The following ERCC8 variants were observed in gnomAD, a reference collection of about 807,000 sequenced individuals.
ERCC8 encodes the protein ERCC excision repair 8, CSA ubiquitin ligase complex subunit, also known as DNA excision repair protein ERCC-8.
In ERCC8, 52 loss-of-function variants were observed where a neutral mutation model predicts 54.9. That is an observed-to-expected ratio of 0.95 (90% confidence interval 0.76 to 1.19). The LOEUF is 1.19. Among genes scored for constraint, ERCC8 ranks in the 50% most tolerant of loss-of-function variants. ERCC8 has a pLI of 0.00. For synonymous variants in ERCC8, 146 were observed against 157.2 expected (o/e 0.93, Z 0.53); for missense variants, 514 against 466.1 (o/e 1.10, Z -0.95).
At chr5:60,881,240 A>G (rs1748210265) in intron 11 of ERCC8, among the ~76,000 whole-genome samples, 1 of 152,144 alleles carries the variant, frequency 6.6e-6, no homozygotes, top group East Asian at 1.9e-4. Context: ...TCAGAGGTGC[A>G]CCTGGCTCTG....
In ERCC8 at chr5:60,910,626, T is replaced by C. The variant is rs551393389; in HGVS notation, c.400-5753A>G. 5.9e-4 allele frequency among the ~76,000 whole-genome samples: 90 copies of C among 152,326 alleles called. 2 individuals are homozygous for C. The highest frequency in any genetic ancestry group is 2.1e-3 in the African/African-American group (88 of 41,584). On this transcript the variant is annotated intron_variant, in intron 4 of 11. Transcript: ENST00000676185. ...TTCATTAAATATATTACTAGGTATA[T>C]GATGATTTTTGATGCTATGGTAAAC...
chr5:60,908,809 T>C (rs1749158608), intron 4 of ERCC8, among the ~76,000 whole-genome samples: 1 of 152,008 alleles, frequency 6.6e-6, no homozygotes, highest in South Asian at 2.1e-4. Flanking sequence ...AGAACCATTA[T>C]GAAAAAAGAA....
At chr5:60,943,418 G>A (rs1021375317) in intron 1 of ERCC8, among the ~76,000 whole-genome samples, 1 of 152,138 alleles carries the variant, frequency 6.6e-6, no homozygotes, top group Non-Finnish European at 1.5e-5. Flanking sequence ...TAGCTTTTCA[G>A]TTCACAAATC....
intron 4 of ERCC8, among the ~76,000 whole-genome samples, chr5:60,913,413 G>A (rs574811292): frequency 6.6e-6 from 1 of 152,188 alleles, no homozygotes; most frequent in East Asian, 1.9e-4. Flanking sequence ...ATGGTAGTTT[G>A]TATTTCTGTG....
intron 11 of ERCC8, among the ~76,000 whole-genome samples, chr5:60,886,976 GA>G (rs1194544931): frequency 6.6e-6 from 1 of 151,930 alleles, no homozygotes; most frequent in Non-Finnish European, 1.5e-5. Flanking sequence ...TTAATGACAT[GA>G]AAAAAGGCTT....
intron 11 of ERCC8, 38 bp from the exon 12 acceptor site, chr5:60,874,721 T>C (rs750720768): frequency 2.0e-6 from 3 of 1,523,648 alleles, no homozygotes; most frequent in East Asian, 4.5e-5. Context: ...GAAGATTCTG[T>C]TTTTTCTACT....
At chr5:60,893,729 C>T (rs1748639477) in intron 9 of ERCC8, 2 of 418,294 alleles carry the variant, frequency 4.8e-6, no homozygotes, top group Admixed American at 3.9e-5. Flanking sequence ...CGCCCGACTC[C>T]GCCCACTGGG....
At chr5:60,941,212 G>A (rs1201643178) in intron 1 of ERCC8, among the ~76,000 whole-genome samples, 1 of 152,086 alleles carries the variant, frequency 6.6e-6, no homozygotes, top group Admixed American at 6.5e-5. Context: ...TGTTAAAACA[G>A]AAAGTCTCAG....
At chr5:60,910,557 A>G (rs1749227062) in intron 4 of ERCC8, among the ~76,000 whole-genome samples, 1 of 152,132 alleles carries the variant, frequency 6.6e-6, no homozygotes, top group Non-Finnish European at 1.5e-5. Flanking sequence ...TCTCTCAATA[A>G]TGTTCTAAAG....
At position 60,922,940 on chromosome 5, in the gene ERCC8, A is replaced by C. The variant is rs561924860; in HGVS notation, c.174-785T>G. 7.2e-5 allele frequency among the ~76,000 whole-genome samples: 11 copies of C among 152,270 alleles called. No individual in the cohort carries two copies. The South Asian group carries it at 1.4e-3, about 20-fold the overall frequency. Reference sequence around the variant, plus strand: ...CAGGAGCAGTTTCCCTGATTGCAATATTTAAGCTGGTATGTGAAGGATGAT... The same window carrying C: ...CAGGAGCAGTTTCCCTGATTGCAATCTTTAAGCTGGTATGTGAAGGATGAT... On this transcript the variant is annotated intron_variant, in intron 2 of 11. Transcript: ENST00000676185.
rs1359645669 is a variant in ERCC8 at position 60,867,539 on chromosome 5, A to G, written c.*7076T>C. ...CCATAATACTCTGAATTTTGCATAT[A>G]TATGTAAGAAACCATTAGAATATTA... is the stretch of plus-strand genomic sequence containing the variant. On this transcript the variant is annotated 3_prime_UTR_variant, in exon 12 of 12. Transcript: ENST00000676185. Among the ~76,000 whole-genome samples, 2 of 152,236 alleles carry G rather than the reference A, an allele frequency of 1.3e-5. No individual in the cohort carries two copies. The highest frequency in any genetic ancestry group is 4.8e-5 in the African/African-American group (2 of 41,470).
At chr5:60,912,092 T>C (rs1484492315) in intron 4 of ERCC8, among the ~76,000 whole-genome samples, 2 of 152,132 alleles carry the variant, frequency 1.3e-5, no homozygotes, top group Admixed American at 1.3e-4. Flanking sequence ...TTTGGTTTCA[T>C]ATGAACTTTA....
intron 10 of ERCC8, among the ~76,000 whole-genome samples, chr5:60,888,988 G>C (rs576353661): frequency 1.2e-4 from 19 of 152,256 alleles, no homozygotes; most frequent in African/African-American, 4.6e-4. Context: ...TTTTCAAGCT[G>C]GAACAGTTCT....
chr5:60,883,988 TC>T (rs1411924135), intron 11 of ERCC8, among the ~76,000 whole-genome samples: 2 of 152,208 alleles, frequency 1.3e-5, no homozygotes, highest in African/African-American at 4.8e-5. Flanking sequence ...ACTTTGGATA[TC>T]AGGAGAAACA....
At chr5:60,890,813 A>T in intron 10 of ERCC8, 76 bp downstream of exon 10, 1 of 1,062,412 alleles carries the variant, frequency 9.4e-7, no homozygotes, top group East Asian at 2.5e-5. Flanking sequence ...GAATAAAATC[A>T]TAATTTATTC....
At chr5:60,887,636 C>A in intron 10 of ERCC8, 116 bp from the exon 11 acceptor site, 1 of 786,498 alleles carries the variant, frequency 1.3e-6, no homozygotes. Flanking sequence ...GCTATTTCTA[C>A]TCCCTAAAGA....
At chr5:60,893,759 G>C (rs897750490) in intron 9 of ERCC8, 2 of 351,100 alleles carry the variant, frequency 5.7e-6, no homozygotes, top group Admixed American at 8.7e-5. Context: ...CGAGGGGGCG[G>C]GGCTTCTCCC....
intron 9 of ERCC8, chr5:60,892,578 G>T (rs1235137587): frequency 6.0e-6 from 4 of 665,460 alleles, no homozygotes; most frequent in Non-Finnish European, 5.7e-6. Flanking sequence ...GGCCACTGCT[G>T]TCAGAAAGTG....
chr5:60,892,232 T>C, intron 9 of ERCC8: 2 of 543,376 alleles, frequency 3.7e-6, no homozygotes, highest in Non-Finnish European at 3.7e-6. Flanking sequence ...ATCTCCAATC[T>C]TATATACAGT....
Sources: gnomAD v4.1 joint callset for allele counts (sites outside exome capture counted in the v4.1 genomes callset) on GRCh38, gnomAD v4.1.1 for gene constraint, MANE v1.5 for transcripts, NCBI Gene and HGNC (gene_info 2026-07-23, HGNC 2026-07-21) for gene names.